Variants in KCNJ6 observed in about 807,000 individuals in gnomAD.
KCNJ6 encodes G protein-activated inward rectifier potassium channel 2.
A neutral mutation model predicts 34.2 loss-of-function variants in KCNJ6; 9 were observed. The observed-to-expected ratio is 0.26, with a 90% CI of 0.16 to 0.46. The LOEUF (loss-of-function observed/expected upper bound fraction) is 0.46, where lower values mean the gene tolerates loss of function less well. KCNJ6 is among the 20% of genes least tolerant of loss of function. KCNJ6 has a pLI of 1.00. For synonymous variants in KCNJ6, 196 were observed against 207.1 expected, an observed-to-expected ratio of 0.95 and a Z score of 0.46; for missense variants, 236 against 531.3, an observed-to-expected ratio of 0.44 and a Z score of 5.46.
At chr21:37,640,737 C>T (rs1450702039) in intron 3 of KCNJ6, among the ~76,000 whole-genome samples, 4 of 152,290 alleles carry the variant, frequency 2.6e-5, no homozygotes, top group Middle Eastern at 3.4e-3. Flanking sequence ...TAAAGAGTCG[C>T]CCTTCATTTC....
rs183161204 is a variant in KCNJ6 at position 37,802,727 on chromosome 21, G to C, written c.25+37931C>G. ...GTAACAAATTGTTACAAATTCAGTG[G>C]CTTAAAATAATATAAATTTAGGTGA... On this transcript the variant is annotated intron_variant, in intron 2 of 3. Coordinates refer to ENST00000609713, the MANE Select transcript of KCNJ6 (RefSeq NM_002240.5). Among the ~76,000 whole-genome samples, 415 of 152,266 alleles carry C rather than the reference G, an allele frequency of 2.7e-3. 2 individuals carry two copies. Among genetic ancestry groups the C allele is most frequent in the Non-Finnish European group, 3.3e-3 (227 of 68,020 alleles).
intron 2 of KCNJ6, among the ~76,000 whole-genome samples, chr21:37,757,865 CA>C (rs1256352183): frequency 2.6e-5 from 4 of 152,270 alleles, no homozygotes; most frequent in African/African-American, 9.6e-5. Flanking sequence ...CCAATTCCCA[CA>C]AAATGCTTTC....
At chr21:37,823,468 A>G (rs1162691765) in intron 2 of KCNJ6, among the ~76,000 whole-genome samples, 3 of 152,100 alleles carry the variant, frequency 2.0e-5, no homozygotes, top group African/African-American at 7.2e-5. Flanking sequence ...CATAATCCCC[A>G]CATGTCAAGG....
chr21:37,767,755 A>G (rs1354813736), intron 2 of KCNJ6, among the ~76,000 whole-genome samples: 1 of 152,206 alleles, frequency 6.6e-6, no homozygotes, highest in Non-Finnish European at 1.5e-5. Context: ...TGAAACTACT[A>G]TGGGCAAAAG....
At chr21:37,633,611 G>A (rs1459487584) in intron 3 of KCNJ6, among the ~76,000 whole-genome samples, 2 of 152,040 alleles carry the variant, frequency 1.3e-5, no homozygotes, top group Non-Finnish European at 1.5e-5. Flanking sequence ...TGTTTAGCAA[G>A]GTGGCTAGAA....
At chr21:37,656,358 G>A (rs1283366835) in intron 3 of KCNJ6, among the ~76,000 whole-genome samples, 1 of 152,170 alleles carries the variant, frequency 6.6e-6, no homozygotes, top group Non-Finnish European at 1.5e-5. Flanking sequence ...GAATGCTAAG[G>A]GGCTGCCTTG....
At chr21:37,864,609 T>C (rs1347003426) in intron 1 of KCNJ6, among the ~76,000 whole-genome samples, 1 of 152,170 alleles carries the variant, frequency 6.6e-6, no homozygotes, top group Non-Finnish European at 1.5e-5. Flanking sequence ...TTTGAAGATG[T>C]GCAGGGGTTT....
intron 3 of KCNJ6, among the ~76,000 whole-genome samples, chr21:37,701,214 C>T (rs1169764982): frequency 1.3e-5 from 2 of 152,036 alleles, no homozygotes; most frequent in East Asian, 3.9e-4. Context: ...GGAAAATGTG[C>T]AGAAGGGAAG....
At chr21:37,768,573 C>T (rs1816241257) in intron 2 of KCNJ6, among the ~76,000 whole-genome samples, 1 of 152,176 alleles carries the variant, frequency 6.6e-6, no homozygotes, top group Admixed American at 6.5e-5. Context: ...TCAGTTTTCC[C>T]TGCTGCTTTG....
chr21:37,694,296 A>C (rs1206642955), intron 3 of KCNJ6, among the ~76,000 whole-genome samples: 6 of 152,070 alleles, frequency 3.9e-5, no homozygotes, highest in Admixed American at 2.6e-4. Flanking sequence ...CATCACCTTC[A>C]CTCAGACCCT....
At chr21:37,830,001 T>C (rs891792332) in intron 2 of KCNJ6, among the ~76,000 whole-genome samples, 2 of 152,202 alleles carry the variant, frequency 1.3e-5, no homozygotes, top group Admixed American at 6.5e-5. Context: ...CCAGCTCTGC[T>C]CAGAATCAGG....
intron 1 of KCNJ6, among the ~76,000 whole-genome samples, chr21:37,904,454 A>AT (rs549479280): frequency 7.3e-4 from 111 of 151,182 alleles, no homozygotes; most frequent in Non-Finnish European, 9.9e-4. Context: ...ATTTTTGTTC[A>AT]TTTTTTTTTG....
chr21:37,808,947 T>G (rs2055307351), intron 2 of KCNJ6, among the ~76,000 whole-genome samples: 1 of 152,250 alleles, frequency 6.6e-6, no homozygotes, highest in Admixed American at 6.5e-5. Flanking sequence ...GTTCAACCAT[T>G]GTGGAAGCCA....
intron 3 of KCNJ6, among the ~76,000 whole-genome samples, chr21:37,677,759 CCAAACCATTTGT>C: frequency 3.0e-4 from 3 of 9,840 alleles, no homozygotes; most frequent in East Asian, 4.4e-3. Flanking sequence ...CACCCACACA[CCAAACCATTTGT>C]CCATCCATCC....
intron 2 of KCNJ6, among the ~76,000 whole-genome samples, chr21:37,750,384 T>C (rs1234372396): frequency 3.3e-5 from 5 of 152,170 alleles, no homozygotes; most frequent in Non-Finnish European, 5.9e-5. Context: ...ACTGGGTATA[T>C]ACCCAAAGGA....
In KCNJ6 at chr21:37,893,731, C is replaced by T. The variant is rs1039519620; in HGVS notation, c.-28+22153G>A. On this transcript the variant is annotated intron_variant, in intron 1 of 3. Coordinates refer to ENST00000609713, the MANE Select transcript of KCNJ6 (RefSeq NM_002240.5). ...ACCTTGGGTTCTGGATTATATTCTACGGAAGCAGCTGACATTTCTTTGATC... is the reference window on the plus strand; with the variant it reads ...ACCTTGGGTTCTGGATTATATTCTATGGAAGCAGCTGACATTTCTTTGATC... Among the ~76,000 whole-genome samples the T allele has an allele frequency of 8.2e-5, 12 of 146,784 alleles. No homozygotes were observed. The South Asian group carries it at 1.1e-3, about 13-fold the overall frequency.
chr21:37,614,920 TC>T lies in KCNJ6; in HGVS notation c.*10238del, dbSNP rs1569429471. 1 of 152,190 alleles carries T rather than the reference TC, an allele frequency of 6.6e-6. No individual in the cohort carries two copies. 9.4% of individuals were successfully genotyped at this position (152,190 alleles called of 1,614,324 possible). A position where few individuals can be genotyped will look rare whatever the true frequency, so the allele number is the denominator to read the frequency against. On this transcript the variant is annotated 3_prime_UTR_variant, in exon 4 of 4. Coordinates refer to ENST00000609713, the MANE Select transcript of KCNJ6 (RefSeq NM_002240.5). ...TTGCATAGTGTAACATTCAGAGGAA[TC>T]CTCATTCTTTTAGAAAAGGAAAAAA... is the stretch of plus-strand genomic sequence containing the variant.
At chr21:37,626,738 A>C (rs2123363023) in intron 3 of KCNJ6, among the ~76,000 whole-genome samples, 1 of 152,340 alleles carries the variant, frequency 6.6e-6, no homozygotes, top group Admixed American at 6.5e-5. Flanking sequence ...TCCATTAGGC[A>C]AAAAGGCGTG....
intron 1 of KCNJ6, among the ~76,000 whole-genome samples, chr21:37,873,743 T>C (rs980638896): frequency 6.6e-6 from 1 of 152,188 alleles, no homozygotes; most frequent in African/African-American, 2.4e-5. Context: ...CACTCTTAGC[T>C]GAAGACACAG....
Sources: gnomAD v4.1 joint callset for allele counts (sites outside exome capture counted in the v4.1 genomes callset) on GRCh38, gnomAD v4.1.1 for gene constraint, MANE v1.5 for transcripts, NCBI Gene and HGNC (gene_info 2026-07-23, HGNC 2026-07-21) for gene names.